Variants in TMSB15B observed in about 807,000 individuals in gnomAD.
The protein encoded by TMSB15B is thymosin beta-15B.
At chrX:103,926,620 G>A in intron 1 of TMSB15B, among the ~76,000 whole-genome samples, 1 of 110,532 alleles carries the variant, frequency 9.0e-6, no homozygotes, top group Non-Finnish European at 1.9e-5. Flanking sequence ...AGCACGCCAA[G>A]GCTGATTCTG....
intron 1 of TMSB15B, among the ~76,000 whole-genome samples, chrX:103,948,534 A>G (rs782616476): frequency 8.9e-6 from 1 of 112,557 alleles, no homozygotes; most frequent in Non-Finnish European, 1.9e-5. Context: ...TTAAATGTCT[A>G]TGAGGATGGA....
intron 1 of TMSB15B, among the ~76,000 whole-genome samples, chrX:103,947,378 A>G (rs1977868): frequency 0.31 from 34,850 of 110,674 alleles, 4,874 homozygotes; most frequent in Middle Eastern, 0.53. Context: ...AGGAGCACAA[A>G]AGAAGCTTAT....
intron 1 of TMSB15B, among the ~76,000 whole-genome samples, chrX:103,948,857 G>T (rs2075032098): frequency 8.9e-6 from 1 of 112,065 alleles, no homozygotes; most frequent in Admixed American, 9.5e-5. Flanking sequence ...TTTCCATGTG[G>T]GAAGACTGAA....
At chrX:103,923,635 G>A (rs1371168919) in intron 1 of TMSB15B, among the ~76,000 whole-genome samples, 10 of 109,794 alleles carry the variant, frequency 9.1e-5, no homozygotes, top group South Asian at 3.9e-4. Flanking sequence ...GTCAGGTAGC[G>A]TGATGCCTCC....
At chrX:103,934,681 T>C (rs781961550) in intron 1 of TMSB15B, among the ~76,000 whole-genome samples, 73 of 112,075 alleles carry the variant, frequency 6.5e-4, no homozygotes, top group African/African-American at 2.3e-3. Flanking sequence ...CATTCTTTTT[T>C]ATGGCTGCAT....
At position 103,940,469 on chromosome X, in the gene TMSB15B, C is replaced by T. The variant is rs1327697893; in HGVS notation, c.-721+21177C>T. ...TTGTTTACACTGTGAGGGGAAAACC[C>T]GTCTACTCAAGCCTCAGTAATGGCA... On this transcript the variant is annotated intron_variant, in intron 1 of 3. Transcript: ENST00000419165. Among the ~76,000 whole-genome samples the T allele has an allele frequency of 4.5e-5, 5 of 111,481 alleles. No individual in the cohort carries two copies. The Admixed American group carries it at 4.7e-4, about 11-fold the overall frequency.
intron 1 of TMSB15B, among the ~76,000 whole-genome samples, chrX:103,923,325 T>C (rs782597082): frequency 1.6e-4 from 18 of 112,459 alleles, no homozygotes; most frequent in South Asian, 7.4e-4. Context: ...CTAGGGTTTT[T>C]ATGGTTTTAG....
chrX:103,928,722 C>G, intron 1 of TMSB15B: 1 of 1,159,574 alleles, frequency 8.6e-7, no homozygotes, highest in Non-Finnish European at 1.2e-6. Context: ...AAGGCCTGGC[C>G]CATTGGGTTC....
At chrX:103,947,664 A>G (rs2075028838) in intron 1 of TMSB15B, among the ~76,000 whole-genome samples, 1 of 112,118 alleles carries the variant, frequency 8.9e-6, no homozygotes, top group Non-Finnish European at 1.9e-5. Flanking sequence ...TATGTATGCA[A>G]AAAAGAAGAC....
At chrX:103,945,852 A>G (rs1268810493) in intron 1 of TMSB15B, among the ~76,000 whole-genome samples, 1 of 112,199 alleles carries the variant, frequency 8.9e-6, no homozygotes, top group East Asian at 2.8e-4. Flanking sequence ...AATAGGAAAA[A>G]TAACCCATTC....
intron 1 of TMSB15B, among the ~76,000 whole-genome samples, chrX:103,927,735 T>C (rs180973208): frequency 7.3e-5 from 8 of 109,020 alleles, no homozygotes; most frequent in African/African-American, 2.3e-4. Context: ...CAGTTTTATG[T>C]CGTGAAAGTT....
intron 1 of TMSB15B, among the ~76,000 whole-genome samples, chrX:103,924,045 T>G (rs1353633034): frequency 1.8e-5 from 2 of 111,851 alleles, no homozygotes; most frequent in Non-Finnish European, 3.8e-5. Context: ...TCATGCATCC[T>G]TCATGACAAT....
At chrX:103,936,543 A>G (rs2074998403) in intron 1 of TMSB15B, among the ~76,000 whole-genome samples, 1 of 112,005 alleles carries the variant, frequency 8.9e-6, no homozygotes, top group Non-Finnish European at 1.9e-5. Flanking sequence ...TAAGGAGTTT[A>G]TGGGCTGAGA....
chrX:103,951,109 T>C (rs2075038083), intron 1 of TMSB15B, among the ~76,000 whole-genome samples: 1 of 111,937 alleles, frequency 8.9e-6, no homozygotes, highest in African/African-American at 3.2e-5. Context: ...CAGTCTGTAT[T>C]ATCTGTGTCC....
chrX:103,934,583 G>A (rs1602437798), intron 1 of TMSB15B, among the ~76,000 whole-genome samples: 1 of 110,888 alleles, frequency 9.0e-6, no homozygotes, highest in Admixed American at 9.6e-5. Context: ...GAGTGAGAGC[G>A]TGCAGTGTTT....
chrX:103,920,940 G>C (rs1239722877), intron 1 of TMSB15B, among the ~76,000 whole-genome samples: 2 of 112,301 alleles, frequency 1.8e-5, no homozygotes, highest in Non-Finnish European at 3.8e-5. Flanking sequence ...CTGACTTAGA[G>C]AGCAGGTATT....
Position 103,928,763 on chromosome X carries a change from C to CA in TMSB15B, c.-721+9473dup, listed in dbSNP as rs1556319410. The CA allele has an allele frequency of 2.5e-6, 3 of 1,178,141 alleles. No individual in the cohort carries two copies. In the African/African-American group the frequency reaches 5.3e-5, roughly 21 times the overall value. On this transcript the variant is annotated intron_variant, in intron 1 of 3. Coordinates refer to the TMSB15B transcript ENST00000419165. ...TTGGTGTCTGGTAGTGTCAATGAAACAATCACCTGCCTAGTTCTGTATCCT... is the reference window on the plus strand; with the variant it reads ...TTGGTGTCTGGTAGTGTCAATGAAACAAATCACCTGCCTAGTTCTGTATCCT...
chrX:103,928,133 C>A, intron 1 of TMSB15B: 1 of 1,144,820 alleles, frequency 8.7e-7, no homozygotes, highest in Non-Finnish European at 1.2e-6. Context: ...GAAGGAGCTT[C>A]AGCACAGAAC....
chrX:103,932,810 A>G (rs1198348521), intron 1 of TMSB15B: 2 of 111,871 alleles, frequency 1.8e-5, no homozygotes, highest in African/African-American at 3.2e-5. Flanking sequence ...GATATAAAAA[A>G]TGACTTTTAG....
Sources: allele counts gnomAD v4.1 joint callset (sites outside exome capture counted in the v4.1 genomes callset), GRCh38; gene constraint gnomAD v4.1.1; transcripts MANE v1.5; gene names NCBI Gene and HGNC (gene_info 2026-07-23, HGNC 2026-07-21).